Variants in WDFY3 observed in about 807,000 individuals in gnomAD.
The protein encoded by WDFY3 is WD repeat and FYVE domain containing 3.
Under a neutral mutation model 409.6 loss-of-function variants are expected in WDFY3, and 66 were observed. That is an observed-to-expected ratio of 0.16 (90% confidence interval 0.13 to 0.20). WDFY3 has a LOEUF of 0.20. WDFY3 is among the 10% of genes least tolerant of loss of function. The probability of loss-of-function intolerance (pLI) is 1.00; values close to 1 mark genes in which losing one functional copy is unlikely to be tolerated. For synonymous variants in WDFY3, 1,521 were observed against 1,537.1 expected (o/e 0.99, Z 0.25); for missense variants, 3,031 against 4,298.1 (o/e 0.71, Z 8.24).
chr4:84,779,764 ACCCCATTTCATTTCTT>A (rs1435002273), intron 26 of WDFY3, among the ~76,000 whole-genome samples: 1 of 152,062 alleles, frequency 6.6e-6, no homozygotes, highest in Non-Finnish European at 1.5e-5. Context: ...GGGGAATAGG[ACCCCATTTCATTTCTT>A]TCCCATTTCC....
rs190316817 is a variant in WDFY3, at chr4:84,963,870, G to A, written c.-226+2339C>T. ...TAAAATGGGATTAATATTTTCCTTC[G>A]ATTTAAATGAGAATGTGTTAGAAAC... On this transcript the variant is annotated intron_variant, in intron 1 of 67. Transcript: ENST00000295888. 1.5e-3 allele frequency among the ~76,000 whole-genome samples: 234 copies of A among 152,192 alleles called. 1 individual carries two copies. The highest frequency in any genetic ancestry group is 5.5e-3 in the African/African-American group (227 of 41,518).
At chr4:84,677,650 CT>C (rs1333323518) in intron 66 of WDFY3, among the ~76,000 whole-genome samples, 1 of 152,088 alleles carries the variant, frequency 6.6e-6, no homozygotes, top group African/African-American at 2.4e-5. Flanking sequence ...CAGTTTTTCA[CT>C]TTTTAAAAAA....
At chr4:84,935,271 T>C (rs1771270264) in intron 1 of WDFY3, among the ~76,000 whole-genome samples, 2 of 152,178 alleles carry the variant, frequency 1.3e-5, no homozygotes. Flanking sequence ...ATTTAACTTT[T>C]CATGATGATG....
chr4:84,894,214 C>T (rs1406456320), intron 3 of WDFY3, among the ~76,000 whole-genome samples: 2 of 152,172 alleles, frequency 1.3e-5, no homozygotes, highest in South Asian at 4.1e-4. Context: ...TAAATAAATA[C>T]AGCATTATTA....
intron 1 of WDFY3, among the ~76,000 whole-genome samples, chr4:84,936,553 T>A (rs192840545): frequency 1.7e-3 from 253 of 152,210 alleles, no homozygotes; most frequent in Middle Eastern, 6.8e-3. Context: ...TGAAGATCAA[T>A]GAGAAAATTT....
At chr4:84,776,194 AAAGT>A (rs1260357888) in intron 27 of WDFY3, among the ~76,000 whole-genome samples, 1 of 152,088 alleles carries the variant, frequency 6.6e-6, no homozygotes, top group Non-Finnish European at 1.5e-5. Flanking sequence ...CTCTTATTGC[AAAGT>A]ATTTATAAGG....
chr4:84,820,241 G>A, intron 11 of WDFY3, 55 bp from the exon 12 acceptor site: 2 of 1,394,598 alleles, frequency 1.4e-6, no homozygotes, highest in Admixed American at 2.1e-5. Flanking sequence ...ATTTTTTCTT[G>A]ATTCCGTTTT....
At chr4:84,700,525 T>C (rs553444307) in intron 56 of WDFY3, among the ~76,000 whole-genome samples, 1 of 152,272 alleles carries the variant, frequency 6.6e-6, no homozygotes, top group East Asian at 1.9e-4. Context: ...TTTTAAAGTA[T>C]GCTATTTCAA....
intron 1 of WDFY3, among the ~76,000 whole-genome samples, chr4:84,955,707 CAAT>C: frequency 1.3e-5 from 2 of 152,058 alleles, no homozygotes; most frequent in East Asian, 3.9e-4. Context: ...TTAAAAAAAT[CAAT>C]AAGGTAATGC....
chr4:84,794,627 G>A lies in WDFY3; in HGVS notation c.3379C>T (p.Arg1127Cys), dbSNP rs770544282. Residue 1127 changes from arginine to cysteine, a missense_variant, in exon 21 of 68, where the codon CGC becomes TGC. Arg to Cys is a radical substitution (Grantham distance 180). Transcript: ENST00000295888. ...TGTTGCTCAGAAGAATTTGCTCGGC[G>A]CACAACAGTAAGAAGTCTGACAGGG... ...NHPVRLLTVVRRANSSEQHYV... is the reference protein window; with the variant it reads ...NHPVRLLTVVCRANSSEQHYV... 1.1e-5 allele frequency: 18 copies of A among 1,613,914 alleles called. No individual in the cohort carries two copies. The highest frequency in any genetic ancestry group is 1.4e-5 in the Non-Finnish European group (16 of 1,179,992).
At chr4:84,901,686 T>C (rs1267101651) in intron 2 of WDFY3, among the ~76,000 whole-genome samples, 1 of 152,040 alleles carries the variant, frequency 6.6e-6, no homozygotes, top group Non-Finnish European at 1.5e-5. Context: ...AACAATAAGA[T>C]AACAAGGAAA....
intron 8 of WDFY3, among the ~76,000 whole-genome samples, chr4:84,829,647 A>G (rs1425425927): frequency 1.3e-5 from 2 of 151,958 alleles, no homozygotes; most frequent in Non-Finnish European, 2.9e-5. Context: ...TCTCTACTAA[A>G]AATACAAAAA....
chr4:84,929,551 G>A (rs1362056563), intron 2 of WDFY3, among the ~76,000 whole-genome samples: 1 of 151,630 alleles, frequency 6.6e-6, no homozygotes, highest in Non-Finnish European at 1.5e-5. Context: ...TCTTTAAAGA[G>A]GTAATCAAGT....
intron 7 of WDFY3, among the ~76,000 whole-genome samples, chr4:84,834,123 T>C (rs933631823): frequency 1.1e-4 from 17 of 152,332 alleles, no homozygotes; most frequent in Admixed American, 3.3e-4. Context: ...CACTGCCTTA[T>C]GTGATTAGCG....
chr4:84,681,212 TA>T (rs1308666629), intron 64 of WDFY3, among the ~76,000 whole-genome samples: 1 of 152,160 alleles, frequency 6.6e-6, no homozygotes, highest in Non-Finnish European at 1.5e-5. Context: ...CTACCCACAA[TA>T]AAGACATACA....
intron 24 of WDFY3, 61 bp from the exon 25 acceptor site, chr4:84,783,135 G>C: frequency 6.9e-7 from 1 of 1,440,976 alleles, no homozygotes; most frequent in Non-Finnish European, 9.7e-7. Flanking sequence ...GTTTTGATTG[G>C]AAAAGAAACC....
chr4:84,713,229 C>T lies in WDFY3; in HGVS notation c.7972G>A (p.Val2658Ile). 6.2e-7 allele frequency: 1 copy of T among 1,614,104 alleles called. No individual in the cohort carries two copies. The highest frequency in any genetic ancestry group is 8.5e-7 in the Non-Finnish European group (1 of 1,179,982). Residue 2658 changes from valine (V) to isoleucine (I), a missense_variant, in exon 51 of 68, where the codon GTA becomes ATA. Val to Ile is a conservative substitution (Grantham distance 29). Coordinates refer to ENST00000295888, the MANE Select transcript of WDFY3 (RefSeq NM_014991.6). The stretch of plus-strand genomic sequence containing the variant: ...GAACTGTCCGTTAGAGATGGCACTA[C>T]AGCCAAAAACCTGAAAAATTTAAAA... ...RNKVYQRFLA[V>I]VPSLTDSSES... is the part of the protein sequence containing the mutation.
chr4:84,950,826 C>A (rs927562149), intron 1 of WDFY3, among the ~76,000 whole-genome samples: 7 of 152,148 alleles, frequency 4.6e-5, no homozygotes, highest in Admixed American at 2.0e-4. Flanking sequence ...AAAGTAGACA[C>A]TGAATAAACA....
chr4:84,681,415 A>G (rs1727325725), intron 64 of WDFY3, among the ~76,000 whole-genome samples: 1 of 152,166 alleles, frequency 6.6e-6, no homozygotes, highest in Non-Finnish European at 1.5e-5. Flanking sequence ...TTATGTCCCC[A>G]AACACCCAGA....
Sources: allele counts gnomAD v4.1 joint callset (sites outside exome capture counted in the v4.1 genomes callset), GRCh38; gene constraint gnomAD v4.1.1; transcripts MANE v1.5; gene names NCBI Gene and HGNC (gene_info 2026-07-23, HGNC 2026-07-21).